Variants in CTTNBP2 observed in about 807,000 individuals in gnomAD.
CTTNBP2 encodes the protein cortactin-binding protein 2.
In CTTNBP2, 108 loss-of-function variants were observed where a neutral mutation model predicts 156.9. The ratio of observed to expected loss-of-function variants is 0.69; its 90% CI spans 0.59 to 0.81. The LOEUF (loss-of-function observed/expected upper bound fraction) is 0.81, where lower values mean the gene tolerates loss of function less well. Ranked by LOEUF, CTTNBP2 falls within the 30% of genes least tolerant of loss-of-function variation. The pLI is 0.00. For missense variants in CTTNBP2, 1,924 were observed against 2,035.4 expected (o/e 0.95, Z 1.05); for synonymous variants, 767 against 751.8 (o/e 1.02, Z -0.33).
intron 2 of CTTNBP2, among the ~76,000 whole-genome samples, chr7:117,814,502 T>C (rs187995662): frequency 3.8e-4 from 58 of 152,318 alleles, no homozygotes; most frequent in Middle Eastern, 3.4e-3. Flanking sequence ...CACGGCTCAC[T>C]GTAGCCTTGA....
chr7:117,736,455 T>C (rs1012230930), intron 14 of CTTNBP2, among the ~76,000 whole-genome samples: 3 of 151,746 alleles, frequency 2.0e-5, no homozygotes, highest in African/African-American at 4.8e-5. Context: ...AAAAAAAATG[T>C]AGACAGGACC....
intron 9 of CTTNBP2, 57 bp downstream of exon 9, chr7:117,767,002 C>G (rs1026012216): frequency 1.0e-6 from 1 of 962,904 alleles, no homozygotes; most frequent in Non-Finnish European, 1.7e-6. Flanking sequence ...TCCCATTGTA[C>G]CAGAGGCCCC....
chr7:117,746,176 A>G, intron 12 of CTTNBP2, 77 bp from the exon 13 acceptor site: 2 of 960,418 alleles, frequency 2.1e-6, no homozygotes, highest in Non-Finnish European at 3.3e-6. Context: ...CAGGTGTGGA[A>G]TTCTTTTTTG....
rs1180967124 is a variant in CTTNBP2, at chr7:117,791,835, C to G, written c.1361G>C (p.Gly454Ala). The G allele has an allele frequency of 6.2e-7, 1 of 1,614,020 alleles. No individual in the cohort carries two copies. The highest frequency in any genetic ancestry group is 8.5e-7 in the Non-Finnish European group (1 of 1,180,030). Residue 454 changes from glycine (G) to alanine (A), a missense_variant, in exon 4 of 23, where the codon GGC becomes GCC. Gly to Ala is a moderately conservative substitution (Grantham distance 60). Coordinates refer to ENST00000160373, the MANE Select transcript of CTTNBP2 (RefSeq NM_033427.3). ...RIQAARFRFQ[G>A]NANDPDQNGN... ...ATTTTGGTCTGGGTCGTTAGCATTGCCCTGAAATCTAAATCTAGCTGCTTG... is the reference window on the plus strand; with the variant it reads ...ATTTTGGTCTGGGTCGTTAGCATTGGCCTGAAATCTAAATCTAGCTGCTTG...
intron 2 of CTTNBP2, among the ~76,000 whole-genome samples, chr7:117,860,963 C>CGA (rs1803690722): frequency 6.6e-6 from 1 of 152,264 alleles, no homozygotes; most frequent in East Asian, 1.9e-4. Context: ...GTACAGCTGA[C>CGA]TCCTCAAGTT....
intron 9 of CTTNBP2, among the ~76,000 whole-genome samples, chr7:117,764,684 G>T (rs910238080): frequency 1.3e-5 from 2 of 151,704 alleles, no homozygotes; most frequent in African/African-American, 2.4e-5. Context: ...AGTGCTACTT[G>T]GTACCTTTAA....
Position 117,791,913 on chromosome 7 carries a change from A to G in CTTNBP2, c.1283T>C (p.Leu428Ser). The change falls in exon 4 of 23, where the codon TTA becomes TCA. Residue 428 changes from leucine (L) to serine (S), a missense_variant. Coordinates refer to ENST00000160373, the MANE Select transcript of CTTNBP2 (RefSeq NM_033427.3). ...QNSQAPPMHS[L>S]HSPCANTSLH... ...AGAGGTGTTGGCACATGGTGAATGT[A>G]AACTGTGCATAGGTGGAGCTTGCGA... 1 of 1,614,164 alleles carries G rather than the reference A, an allele frequency of 6.2e-7. No homozygotes were observed. Among genetic ancestry groups the G allele is most frequent in the Non-Finnish European group, 8.5e-7 (1 of 1,180,040 alleles).
chr7:117,855,446 T>G (rs556561709), intron 2 of CTTNBP2, among the ~76,000 whole-genome samples: 6 of 152,154 alleles, frequency 3.9e-5, no homozygotes, highest in Admixed American at 2.0e-4. Flanking sequence ...AAATAGTCCC[T>G]CCTTGACTAG....
At chr7:117,788,538 C>T (rs1015300034) in intron 4 of CTTNBP2, among the ~76,000 whole-genome samples, 1 of 152,200 alleles carries the variant, frequency 6.6e-6, no homozygotes, top group Non-Finnish European at 1.5e-5. Flanking sequence ...TGGAGAGGCA[C>T]AAGCTCAACC....
Position 117,760,421 on chromosome 7 carries a change from A to G in CTTNBP2, c.3172+14T>C. ...AGAAATTTCACTTTCTCTCCGTCAT[A>G]GGACTGCTGATACCTAGCGTGATGG... On this transcript the variant is annotated intron_variant, in intron 10 of 22. Coordinates refer to ENST00000160373, the MANE Select transcript of CTTNBP2 (RefSeq NM_033427.3). The G allele has an allele frequency of 6.2e-7, 1 of 1,609,794 alleles. No homozygotes were observed. The highest frequency in any genetic ancestry group is 8.5e-7 in the Non-Finnish European group (1 of 1,176,328).
chr7:117,821,197 G>A (rs2117026812), intron 2 of CTTNBP2, among the ~76,000 whole-genome samples: 1 of 152,152 alleles, frequency 6.6e-6, no homozygotes, highest in East Asian at 1.9e-4. Flanking sequence ...ACTTCTTTAT[G>A]CTTTTTATTT....
chr7:117,840,403 C>T (rs1045033411), intron 2 of CTTNBP2, among the ~76,000 whole-genome samples: 1 of 151,932 alleles, frequency 6.6e-6, no homozygotes, highest in African/African-American at 2.4e-5. Context: ...TGGGGCGTAC[C>T]TGGTCCCAGC....
At chr7:117,765,213 G>A (rs1294592723) in intron 9 of CTTNBP2, among the ~76,000 whole-genome samples, 3 of 152,222 alleles carry the variant, frequency 2.0e-5, no homozygotes, top group Non-Finnish European at 4.4e-5. Context: ...TGGGATTACA[G>A]ACGTGAGCCA....
At chr7:117,866,545 G>A (rs1804212973) in intron 1 of CTTNBP2, among the ~76,000 whole-genome samples, 1 of 152,152 alleles carries the variant, frequency 6.6e-6, no homozygotes, top group Admixed American at 6.5e-5. Context: ...TTTTCCATCA[G>A]TAAGCTTTAC....
chr7:117,740,737 A>C (rs1043176708), intron 14 of CTTNBP2, among the ~76,000 whole-genome samples: 7 of 152,154 alleles, frequency 4.6e-5, no homozygotes, highest in Non-Finnish European at 8.8e-5. Flanking sequence ...TGACTGAAGG[A>C]TCATTCCCTG....
chr7:117,722,777 C>T (rs1475362340), intron 19 of CTTNBP2, among the ~76,000 whole-genome samples: 1 of 152,182 alleles, frequency 6.6e-6, no homozygotes, highest in Non-Finnish European at 1.5e-5. Flanking sequence ...GTCCAGTTAT[C>T]TGAGTACCCA....
intron 8 of CTTNBP2, among the ~76,000 whole-genome samples, chr7:117,777,147 G>A (rs1798148174): frequency 6.6e-6 from 1 of 152,168 alleles, no homozygotes; most frequent in Non-Finnish European, 1.5e-5. Flanking sequence ...TCTGCAGCAC[G>A]AGTGTGAATC....
chr7:117,777,521 T>C lies in CTTNBP2; in HGVS notation c.2768A>G (p.Lys923Arg), dbSNP rs998757505. Reference protein sequence around the residue: ...GWTAAHIAASKGFKNCLEILC... With the variant: ...GWTAAHIAASRGFKNCLEILC... ...TGCTACCAGACACACCTTAAAACCTTTGGAAGCAGCAATGTGGGCAGCAGT... is the reference window on the plus strand; with the variant it reads ...TGCTACCAGACACACCTTAAAACCTCTGGAAGCAGCAATGTGGGCAGCAGT... Residue 923 changes from lysine (K) to arginine (R), a missense_variant, in exon 8 of 23, where the codon AAA becomes AGA. Lys to Arg is a conservative substitution (Grantham distance 26). Transcript: ENST00000160373. 5.6e-6 allele frequency: 9 copies of C among 1,612,820 alleles called. No homozygotes were observed. The African/African-American group carries it at 9.4e-5, about 17-fold the overall frequency.
chr7:117,784,695 A>G (rs551427218), intron 4 of CTTNBP2, among the ~76,000 whole-genome samples: 1 of 152,210 alleles, frequency 6.6e-6, no homozygotes, highest in Non-Finnish European at 1.5e-5. Flanking sequence ...TTTAGTCATG[A>G]GTCTTGCACA....
Sources: allele counts gnomAD v4.1 joint callset (sites outside exome capture counted in the v4.1 genomes callset), GRCh38; gene constraint gnomAD v4.1.1; transcripts MANE v1.5; gene names NCBI Gene and HGNC (gene_info 2026-07-23, HGNC 2026-07-21).